Variants in LRFN2 observed in about 807,000 individuals in gnomAD.
LRFN2 encodes leucine rich repeat and fibronectin type III domain containing 2, also known as leucine-rich repeat and fibronectin type-III domain-containing protein 2.
In LRFN2, 18 loss-of-function variants were observed where a neutral mutation model predicts 37.3. That is an observed-to-expected ratio of 0.48 (90% CI 0.33 to 0.72). The LOEUF (loss-of-function observed/expected upper bound fraction) is 0.72. Ranked by LOEUF, LRFN2 falls within the 30% of genes least tolerant of loss-of-function variation. The probability of loss-of-function intolerance (pLI) is 0.02; values close to 1 mark genes in which losing one functional copy is unlikely to be tolerated. For missense variants in LRFN2, 1,006 were observed against 1,060.7 expected (o/e 0.95, Z 0.72); for synonymous variants, 556 against 466.6 (o/e 1.19, Z -2.47).
chr6:40,431,569 C>G (rs1367119193), intron 2 of LRFN2, 145 bp downstream of exon 2: 3 of 586,844 alleles, frequency 5.1e-6, no homozygotes, highest in Non-Finnish European at 8.3e-6. Flanking sequence ...CTCTTACCTG[C>G]ACGAATGGCA....
rs568200231 is a variant in LRFN2 at position 40,473,953 on chromosome 6, G to A, written c.-18-40822C>T. Among the ~76,000 whole-genome samples, 7 of 152,170 alleles carry A rather than the reference G, an allele frequency of 4.6e-5. No individual in the cohort carries two copies. In the South Asian group the frequency reaches 6.2e-4, roughly 14 times the overall value. On this transcript the variant is annotated intron_variant, in intron 1 of 2. Transcript: ENST00000338305. ...CTTAACCACTATTACACACTGCCTC[G>A]CACACATGCCTCCTCACTCACCGGA...
intron 1 of LRFN2, among the ~76,000 whole-genome samples, chr6:40,509,166 A>T (rs1765624273): frequency 6.6e-6 from 1 of 152,238 alleles, no homozygotes. Context: ...CTAGCCAAGG[A>T]TGACACACTC....
At chr6:40,429,556 A>T (rs1313237292) in intron 2 of LRFN2, among the ~76,000 whole-genome samples, 1 of 152,248 alleles carries the variant, frequency 6.6e-6, no homozygotes, top group Non-Finnish European at 1.5e-5. Flanking sequence ...GGCAAAGATG[A>T]AAGTAATTAT....
intron 1 of LRFN2, among the ~76,000 whole-genome samples, chr6:40,567,469 C>A (rs540508202): frequency 1.3e-5 from 2 of 152,218 alleles, no homozygotes; most frequent in South Asian, 4.2e-4. Flanking sequence ...ATAAGGGAAG[C>A]AACCTGTCCA....
At chr6:40,530,105 G>A (rs1766319368) in intron 1 of LRFN2, among the ~76,000 whole-genome samples, 1 of 152,188 alleles carries the variant, frequency 6.6e-6, no homozygotes, top group South Asian at 2.1e-4. Flanking sequence ...AAGGAATGAA[G>A]CAGAGACAGA....
At chr6:40,404,869 TG>T (rs1250843650) in intron 2 of LRFN2, among the ~76,000 whole-genome samples, 1 of 152,194 alleles carries the variant, frequency 6.6e-6, no homozygotes, top group Non-Finnish European at 1.5e-5. Context: ...CAGTTCTCCA[TG>T]GTTCCTAAGA....
At chr6:40,517,280 G>A (rs1028212911) in intron 1 of LRFN2, 3 of 152,180 alleles carry the variant, frequency 2.0e-5, no homozygotes, top group Non-Finnish European at 4.4e-5. Context: ...CATTACCAGG[G>A]AGTGAGAACT....
chr6:40,571,025 G>A (rs1309535606), intron 1 of LRFN2, among the ~76,000 whole-genome samples: 2 of 152,226 alleles, frequency 1.3e-5, no homozygotes, highest in Admixed American at 6.5e-5. Flanking sequence ...TCAAGAGGGT[G>A]CTGCAGCCAT....
chr6:40,514,820 G>C (rs1765814692), intron 1 of LRFN2, among the ~76,000 whole-genome samples: 2 of 152,158 alleles, frequency 1.3e-5, no homozygotes, highest in Non-Finnish European at 2.9e-5. Context: ...TTAGCTTCCT[G>C]GAGAAGCAGC....
At chr6:40,441,191 C>A (rs1036084413) in intron 1 of LRFN2, among the ~76,000 whole-genome samples, 3 of 152,144 alleles carry the variant, frequency 2.0e-5, no homozygotes, top group African/African-American at 7.2e-5. Context: ...CTGGGCTGTG[C>A]GGCACTCGCC....
intron 1 of LRFN2, among the ~76,000 whole-genome samples, chr6:40,497,536 A>T (rs1765262210): frequency 6.6e-6 from 1 of 152,164 alleles, no homozygotes; most frequent in South Asian, 2.1e-4. Flanking sequence ...ACCCGTTACC[A>T]TATTAGCATC....
chr6:40,444,859 A>AT (rs984235114), intron 1 of LRFN2, among the ~76,000 whole-genome samples: 2 of 151,332 alleles, frequency 1.3e-5, no homozygotes, highest in South Asian at 2.1e-4. Flanking sequence ...CTGCTTTGCA[A>AT]TTTTTTGCTT....
At chr6:40,394,836 T>G (rs553530806) in intron 2 of LRFN2, among the ~76,000 whole-genome samples, 1 of 152,206 alleles carries the variant, frequency 6.6e-6, no homozygotes, top group Non-Finnish European at 1.5e-5. Context: ...GGAGTTTCCC[T>G]GCACAAGCTC....
At chr6:40,433,211 C>T in intron 1 of LRFN2, 80 bp from the exon 2 acceptor site, 2 of 1,226,552 alleles carry the variant, frequency 1.6e-6, no homozygotes, top group East Asian at 2.6e-5. Flanking sequence ...CTCACATTAA[C>T]CCTCACTGCC....
At chr6:40,509,781 T>TGG (rs1435166730) in intron 1 of LRFN2, among the ~76,000 whole-genome samples, 23 of 130,816 alleles carry the variant, frequency 1.8e-4, no homozygotes, top group African/African-American at 6.6e-4. Context: ...GTGCAGGCAG[T>TGG]GGGGTGGGGG....
At chr6:40,506,111 T>C (rs1765529300) in intron 1 of LRFN2, among the ~76,000 whole-genome samples, 1 of 152,202 alleles carries the variant, frequency 6.6e-6, no homozygotes, top group South Asian at 2.1e-4. Context: ...CTAGACGCAC[T>C]TTAGAAAGCT....
intron 1 of LRFN2, among the ~76,000 whole-genome samples, chr6:40,536,286 G>C (rs915587733): frequency 2.6e-5 from 4 of 152,068 alleles, no homozygotes; most frequent in Non-Finnish European, 5.9e-5. Context: ...CACTCTGAGG[G>C]AGACACAGCC....
At chr6:40,520,591 G>A (rs996831490) in intron 1 of LRFN2, among the ~76,000 whole-genome samples, 9 of 152,110 alleles carry the variant, frequency 5.9e-5, no homozygotes, top group South Asian at 2.1e-4. Flanking sequence ...CATCCTCATC[G>A]GGAAGGTCCC....
chr6:40,529,606 G>C (rs1300718911), intron 1 of LRFN2, among the ~76,000 whole-genome samples: 1 of 152,206 alleles, frequency 6.6e-6, no homozygotes, highest in Non-Finnish European at 1.5e-5. Flanking sequence ...TTTAGATTAT[G>C]CATAGTTTTC....
Sources: allele counts gnomAD v4.1 joint callset (sites outside exome capture counted in the v4.1 genomes callset), GRCh38; gene constraint gnomAD v4.1.1; transcripts MANE v1.5; gene names NCBI Gene and HGNC (gene_info 2026-07-23, HGNC 2026-07-21).